Variants in TRIP4 observed in about 807,000 individuals in gnomAD.
The protein encoded by TRIP4 is thyroid hormone receptor interactor 4.
A neutral mutation model predicts 81.8 loss-of-function variants in TRIP4; 54 were observed. The ratio of observed to expected loss-of-function variants is 0.66; its 90% confidence interval spans 0.53 to 0.83. The LOEUF (loss-of-function observed/expected upper bound fraction) is 0.83, where lower values mean the gene tolerates loss of function less well. Ranked by LOEUF, TRIP4 falls within the 40% of genes least tolerant of loss-of-function variation. TRIP4 has a pLI of 0.00. For missense variants in TRIP4, 662 were observed against 683.6 expected (o/e 0.97, Z 0.35); for synonymous variants, 270 against 242.8 (o/e 1.11, Z -1.04).
At chr15:64,430,711 A>T (rs1892250375) in intron 11 of TRIP4, among the ~76,000 whole-genome samples, 1 of 152,180 alleles carries the variant, frequency 6.6e-6, no homozygotes, top group Non-Finnish European at 1.5e-5. Context: ...GTCATTGATT[A>T]TTCTATTTCT....
chr15:64,411,046 G>A (rs1229692090), intron 7 of TRIP4, among the ~76,000 whole-genome samples: 2 of 152,064 alleles, frequency 1.3e-5, no homozygotes, highest in Non-Finnish European at 2.9e-5. Context: ...CATATTGTGT[G>A]GGTATAGGAA....
At chr15:64,422,596 T>C (rs920135816) in intron 9 of TRIP4, among the ~76,000 whole-genome samples, 8 of 152,246 alleles carry the variant, frequency 5.3e-5, no homozygotes, top group African/African-American at 1.9e-4. Context: ...GTTCTTCTCA[T>C]TGAGTTTTCT....
Position 64,425,595 on chromosome 15 carries a change from A to G in TRIP4, c.1539A>G (p.Leu513=), listed in dbSNP as rs759897974. 23 of 1,612,326 alleles carry G rather than the reference A, an allele frequency of 1.4e-5. No homozygotes were observed. In the Admixed American group the frequency reaches 2.0e-4, roughly 14 times the overall value. The change falls in exon 11 of 13, where the codon CTA becomes CTG. Residue 513 remains leucine, a synonymous_variant. Transcript: ENST00000261884. ...GTTGTCTTCTGGGCTGTGTGGACCT[A>G]ATTGACTGCTTGTCCCAGAAGCAAT... ...PSGCLLGCVD[L]IDCLSQKQFK... is the part of the protein sequence containing the mutation.
rs781308885 is a variant in TRIP4 at position 64,418,739 on chromosome 15, A to G, written c.1358+11A>G. ...CAGAGGGATTAAAAGGTAAGAATAA[A>G]AATGAATCTGGGCAGTGGAAGATCT... On this transcript the variant is annotated intron_variant, in intron 9 of 12. Transcript: ENST00000261884. The G allele has an allele frequency of 3.2e-5, 51 of 1,600,220 alleles. No homozygotes were observed. Among genetic ancestry groups the G allele is most frequent in the Non-Finnish European group, 3.3e-5 (39 of 1,174,312 alleles).
intron 9 of TRIP4, among the ~76,000 whole-genome samples, chr15:64,422,564 A>G (rs1892042809): frequency 6.6e-6 from 1 of 152,176 alleles, no homozygotes; most frequent in South Asian, 2.1e-4. Context: ...CTGCTCCAGG[A>G]TGATCAAAAC....
chr15:64,407,200 T>G (rs1338370048), intron 6 of TRIP4, among the ~76,000 whole-genome samples: 3 of 152,152 alleles, frequency 2.0e-5, no homozygotes, highest in African/African-American at 7.2e-5. Flanking sequence ...TTGCTGACAG[T>G]GTAATCTTTT....
At position 64,438,404 on chromosome 15, in the gene TRIP4, C is replaced by T. The variant is rs537131786; in HGVS notation, c.1576-6602C>T. On this transcript the variant is annotated intron_variant, in intron 11 of 12. Coordinates refer to ENST00000261884, the MANE Select transcript of TRIP4 (RefSeq NM_016213.5). ...GCACGATCTCAGCTCACTGCAACCT[C>T]TGCCTCCCAGGTTCAAACGATTCTC... is the stretch of plus-strand genomic sequence containing the variant. Among the ~76,000 whole-genome samples the T allele has an allele frequency of 3.9e-5, 6 of 152,320 alleles. No homozygotes were observed. The South Asian group carries it at 6.2e-4, about 16-fold the overall frequency.
In TRIP4 at chr15:64,434,402, GA is replaced by G. The variant is rs35606754; in HGVS notation, c.1575+8787del. On this transcript the variant is annotated intron_variant, in intron 11 of 12. Transcript: ENST00000261884. The stretch of plus-strand genomic sequence containing the variant: ...CAACAAGAGTGAAACTCCGTCTCAA[GA>G]AAAAAAAAAAAAAAATGAAAAGGTA... 3.0e-4 allele frequency among the ~76,000 whole-genome samples: 42 copies of G among 138,036 alleles called. 1 individual carries two copies. The highest frequency in any genetic ancestry group is 7.7e-4 in the African/African-American group (28 of 36,484). 90.6% of individuals were successfully genotyped at this position (138,036 alleles called of 152,430 possible).
chr15:64,395,541 TA>T lies in TRIP4; in HGVS notation c.405+11del. ...TTTTGATTTGGCCAAGGTGAGTGCT[TA>T]TAGATTGAAGCTTTTTCTGACTATT... On this transcript the variant is annotated intron_variant, in intron 3 of 12. Transcript: ENST00000261884. The T allele has an allele frequency of 6.3e-7, 1 of 1,599,582 alleles. No homozygotes were observed. Among genetic ancestry groups the T allele is most frequent in the East Asian group, 2.2e-5 (1 of 44,722 alleles).
Position 64,428,768 on chromosome 15 carries a change from C to G in TRIP4, c.1575+3137C>G, listed in dbSNP as rs371795355. Among the ~76,000 whole-genome samples, 35 of 151,982 alleles carry G rather than the reference C, an allele frequency of 2.3e-4. 1 individual carries two copies. In the East Asian group the frequency reaches 2.5e-3, roughly 11 times the overall value. On this transcript the variant is annotated intron_variant, in intron 11 of 12. Coordinates refer to ENST00000261884, the MANE Select transcript of TRIP4 (RefSeq NM_016213.5). ...GGATTACAGGCACATACCACCACACCTGGCCATTTTTTTTTGTATTTTTAG... is the reference window on the plus strand; with the variant it reads ...GGATTACAGGCACATACCACCACACGTGGCCATTTTTTTTTGTATTTTTAG...
intron 2 of TRIP4, 109 bp from the exon 3 acceptor site, chr15:64,395,289 C>G (rs1900255365): frequency 3.3e-6 from 3 of 901,890 alleles, no homozygotes; most frequent in Middle Eastern, 3.6e-4. Context: ...CTGATGATAT[C>G]TTGACTCTAA....
In TRIP4 at chr15:64,392,548, G is replaced by T. The variant is rs541625104; in HGVS notation, c.102-1398G>T. Among the ~76,000 whole-genome samples, 3 of 152,104 alleles carry T rather than the reference G, an allele frequency of 2.0e-5. No homozygotes were observed. In the South Asian group the frequency reaches 6.2e-4, roughly 32 times the overall value. ...CGGTTTCACCATGTTGGCCAAGCTG[G>T]TCTCTAACTCCTGACCTCAGGTGAT... On this transcript the variant is annotated intron_variant, in intron 1 of 12. Transcript: ENST00000261884.
intron 1 of TRIP4, 89 bp downstream of exon 1, chr15:64,388,053 A>G (rs985432605): frequency 6.2e-6 from 9 of 1,447,740 alleles, no homozygotes; most frequent in Non-Finnish European, 8.2e-6. Context: ...TGAAAAGTTA[A>G]GAGAGAAATG....
At chr15:64,414,022 G>T in intron 7 of TRIP4, 63 bp from the exon 8 acceptor site, 1 of 1,567,952 alleles carries the variant, frequency 6.4e-7, no homozygotes, top group Non-Finnish European at 8.7e-7. Flanking sequence ...TTTTATGTTG[G>T]TGGTAAGCAT....
intron 10 of TRIP4, among the ~76,000 whole-genome samples, chr15:64,424,512 A>T (rs1401264915): frequency 6.6e-6 from 1 of 152,212 alleles, no homozygotes; most frequent in African/African-American, 2.4e-5. Flanking sequence ...GCCTAAATAG[A>T]CACCTACTAT....
At chr15:64,423,182 A>C (rs895631484) in intron 9 of TRIP4, among the ~76,000 whole-genome samples, 37 of 152,204 alleles carry the variant, frequency 2.4e-4, no homozygotes, top group African/African-American at 8.7e-4. Context: ...TAAAAATGCA[A>C]ATGGAGCCGG....
rs532759064 is a variant in TRIP4, at chr15:64,404,882, C to T, written c.698-1448C>T. Among the ~76,000 whole-genome samples, 3 of 151,830 alleles carry T rather than the reference C, an allele frequency of 2.0e-5. No homozygotes were observed. In the East Asian group the frequency reaches 5.9e-4, roughly 30 times the overall value. On this transcript the variant is annotated intron_variant, in intron 5 of 12. Transcript: ENST00000261884. Reference sequence around the variant, plus strand: ...TAAATTGTTTGTACAGATGGGCTCTCACCATGTTGCCCAGGCTAGTCTTGA... The same window carrying T: ...TAAATTGTTTGTACAGATGGGCTCTTACCATGTTGCCCAGGCTAGTCTTGA...
chr15:64,406,462 A>G lies in TRIP4; in HGVS notation c.827+3A>G, dbSNP rs997948942. Reference sequence around the variant, plus strand: ...CTGTTAGAGTTTGACAGAACTAGGTATGAAAGGGTTAGAATAACAAATGCT... The same window carrying G: ...CTGTTAGAGTTTGACAGAACTAGGTGTGAAAGGGTTAGAATAACAAATGCT... On this transcript the variant is annotated splice_donor_region_variant and intron_variant, in intron 6 of 12. Transcript: ENST00000261884. 1 of 1,613,044 alleles carries G rather than the reference A, an allele frequency of 6.2e-7. No homozygotes were observed. Among genetic ancestry groups the G allele is most frequent in the Non-Finnish European group, 8.5e-7 (1 of 1,179,744 alleles).
chr15:64,445,062 T>C lies in TRIP4; in HGVS notation c.1632T>C (p.Pro544=). Residue 544 remains proline, a synonymous_variant, in exon 12 of 13, where the codon CCT becomes CCC. Transcript: ENST00000261884. ...CATTTGTTTTCATCTGCAAAAATCC[T>C]CAGGAAATGGTTGTGAAGTTTCCTA... ...DSPFVFICKN[P]QEMVVKFPIK... 1 of 1,607,344 alleles carries C rather than the reference T, an allele frequency of 6.2e-7. No homozygotes were observed. The highest frequency in any genetic ancestry group is 8.5e-7 in the Non-Finnish European group (1 of 1,175,644).
Sources: allele counts gnomAD v4.1 joint callset (sites outside exome capture counted in the v4.1 genomes callset), GRCh38; gene constraint gnomAD v4.1.1; transcripts MANE v1.5; gene names NCBI Gene and HGNC (gene_info 2026-07-23, HGNC 2026-07-21).